Variants in GTF2IRD1 observed in about 807,000 individuals in gnomAD.
The protein encoded by GTF2IRD1 is GTF2I repeat domain containing 1.
A neutral mutation model predicts 113.2 loss-of-function variants in GTF2IRD1; 26 were observed. The observed-to-expected ratio is 0.23, with a 90% CI of 0.17 to 0.32. GTF2IRD1 has a LOEUF of 0.32. GTF2IRD1 is among the 10% of genes least tolerant of loss of function. The pLI is 1.00. For missense variants in GTF2IRD1, 864 were observed against 1,280.8 expected (o/e 0.67, Z 4.97); for synonymous variants, 484 against 529.1 (o/e 0.91, Z 1.17).
At chr7:74,541,768 G>A (rs1308028116) in intron 14 of GTF2IRD1, among the ~76,000 whole-genome samples, 3 of 152,106 alleles carry the variant, frequency 2.0e-5, no homozygotes, top group Admixed American at 6.6e-5. Flanking sequence ...GGGCATGGTG[G>A]CGCATGCCTG....
At chr7:74,491,470 C>A (rs1174155956) in intron 1 of GTF2IRD1, among the ~76,000 whole-genome samples, 1 of 151,066 alleles carries the variant, frequency 6.6e-6, no homozygotes, top group East Asian at 1.9e-4. Context: ...TGATCTTCTC[C>A]CTCCTCCCAC....
chr7:74,578,234 T>G (rs1236296457), intron 22 of GTF2IRD1, among the ~76,000 whole-genome samples: 1 of 152,046 alleles, frequency 6.6e-6, no homozygotes, highest in Non-Finnish European at 1.5e-5. Context: ...CAGGCTGGAG[T>G]GAAGTAGTGT....
At chr7:74,505,432 G>C (rs1554340777) in intron 1 of GTF2IRD1, among the ~76,000 whole-genome samples, 1 of 152,166 alleles carries the variant, frequency 6.6e-6, no homozygotes, top group Admixed American at 6.5e-5. Context: ...TCGGGACAGG[G>C]GGTCCTACAA....
intron 16 of GTF2IRD1, among the ~76,000 whole-genome samples, chr7:74,546,507 C>G (rs1207783507): frequency 6.6e-6 from 1 of 152,088 alleles, no homozygotes; most frequent in East Asian, 1.9e-4. Context: ...TAGGCTTGAG[C>G]CACTGCACCC....
chr7:74,486,659 C>T (rs1554335637), intron 1 of GTF2IRD1, among the ~76,000 whole-genome samples: 1 of 152,094 alleles, frequency 6.6e-6, no homozygotes. Context: ...AGCCACACAG[C>T]ATCTGTCTGC....
chr7:74,497,578 G>C (rs1345166704), intron 1 of GTF2IRD1, among the ~76,000 whole-genome samples: 8 of 151,248 alleles, frequency 5.3e-5, no homozygotes, highest in African/African-American at 1.9e-4. Context: ...TTAATTTTTT[G>C]AGGAACCGCC....
At chr7:74,554,027 A>G (rs1432904747) in intron 17 of GTF2IRD1, among the ~76,000 whole-genome samples, 2 of 152,100 alleles carry the variant, frequency 1.3e-5, no homozygotes, top group African/African-American at 2.4e-5. Context: ...CCAAATCCTC[A>G]TCTACTGGGG....
At chr7:74,488,690 A>C (rs921540408) in intron 1 of GTF2IRD1, among the ~76,000 whole-genome samples, 1 of 152,002 alleles carries the variant, frequency 6.6e-6, no homozygotes, top group Non-Finnish European at 1.5e-5. Context: ...TCTAGGAGAG[A>C]TCAAGATCGA....
rs1554353129 is a variant in GTF2IRD1, at chr7:74,545,824, G to A, written c.1732+15G>A. On this transcript the variant is annotated intron_variant, in intron 16 of 26. Transcript: ENST00000424337. Reference sequence around the variant, plus strand: ...CACACGATACGGTGAGCAAGAAGTGGGACAGGGTCTGGGGGCATCCCGGCC... The same window carrying A: ...CACACGATACGGTGAGCAAGAAGTGAGACAGGGTCTGGGGGCATCCCGGCC... 5 of 1,604,274 alleles carry A rather than the reference G, an allele frequency of 3.1e-6. No individual in the cohort carries two copies. In the South Asian group the frequency reaches 5.5e-5, roughly 18 times the overall value.
At chr7:74,575,707 G>C (rs1231236776) in intron 22 of GTF2IRD1, among the ~76,000 whole-genome samples, 3 of 152,160 alleles carry the variant, frequency 2.0e-5, no homozygotes. Flanking sequence ...GGACGGAGGT[G>C]CTGTGGGTGG....
At chr7:74,557,826 C>A (rs1441182971) in intron 20 of GTF2IRD1, 104 bp downstream of exon 20, 3 of 690,430 alleles carry the variant, frequency 4.3e-6, no homozygotes, top group Non-Finnish European at 7.7e-6. Context: ...AAACAATTCA[C>A]CCCTTTACAT....
At chr7:74,537,637 C>A (rs1798378535) in intron 11 of GTF2IRD1, among the ~76,000 whole-genome samples, 1 of 152,100 alleles carries the variant, frequency 6.6e-6, no homozygotes, top group Non-Finnish European at 1.5e-5. Context: ...AGGGGTGGGC[C>A]GTTTATCCCA....
At chr7:74,560,321 G>A (rs1188614112) in intron 22 of GTF2IRD1, among the ~76,000 whole-genome samples, 1 of 152,006 alleles carries the variant, frequency 6.6e-6, no homozygotes, top group African/African-American at 2.4e-5. Flanking sequence ...TTGGAGGTGA[G>A]TGGGTTCCTA....
intron 4 of GTF2IRD1, among the ~76,000 whole-genome samples, chr7:74,517,633 T>G (rs1042156971): frequency 6.6e-6 from 1 of 151,802 alleles, no homozygotes; most frequent in Non-Finnish European, 1.5e-5. Flanking sequence ...TTGGCCAGGC[T>G]GGTCTCGAAC....
intron 1 of GTF2IRD1, among the ~76,000 whole-genome samples, chr7:74,491,895 A>G (rs1219047500): frequency 6.6e-6 from 1 of 152,174 alleles, no homozygotes; most frequent in African/African-American, 2.4e-5. Flanking sequence ...TTTTTGAGGA[A>G]TCACCACACT....
intron 1 of GTF2IRD1, among the ~76,000 whole-genome samples, chr7:74,492,461 C>A (rs573234657): frequency 1.3e-5 from 2 of 152,246 alleles, no homozygotes; most frequent in African/African-American, 2.4e-5. Flanking sequence ...TGAGCCACCA[C>A]GCCTGGCCCA....
chr7:74,466,420 CAG>C (rs1339469663), intron 1 of GTF2IRD1, among the ~76,000 whole-genome samples: 3 of 152,140 alleles, frequency 2.0e-5, no homozygotes, highest in African/African-American at 7.2e-5. Context: ...CCAGGCAGCT[CAG>C]GGGTTCCCGT....
intron 1 of GTF2IRD1, chr7:74,506,448 C>T (rs1796301103): frequency 6.6e-6 from 1 of 152,216 alleles, no homozygotes; most frequent in Non-Finnish European, 1.5e-5. Flanking sequence ...CTGCCTGGGC[C>T]TTCCCTACCC....
At chr7:74,519,201 C>T (rs587699390) in intron 5 of GTF2IRD1, among the ~76,000 whole-genome samples, 6 of 152,310 alleles carry the variant, frequency 3.9e-5, no homozygotes, top group African/African-American at 7.2e-5. Flanking sequence ...CCAGGTCCTC[C>T]GGTGGCCTAG....
Sources: gnomAD v4.1 joint callset for allele counts (sites outside exome capture counted in the v4.1 genomes callset) on GRCh38, gnomAD v4.1.1 for gene constraint, MANE v1.5 for transcripts, NCBI Gene and HGNC (gene_info 2026-07-23, HGNC 2026-07-21) for gene names.